LAMA3: variants seen among roughly 807,000 people sequenced by gnomAD.
LAMA3 encodes the protein laminin subunit alpha 3.
Under a neutral mutation model 402.0 loss-of-function variants are expected in LAMA3, and 281 were observed. The observed-to-expected ratio is 0.70, with a 90% CI of 0.63 to 0.77. The LOEUF (loss-of-function observed/expected upper bound fraction) is 0.77, where lower values mean the gene tolerates loss of function less well. Ranked by LOEUF, LAMA3 falls within the 30% of genes least tolerant of loss-of-function variation. The pLI is 0.00. For synonymous variants in LAMA3, 1,431 were observed against 1,558.4 expected (o/e 0.92, Z 1.93); for missense variants, 3,840 against 4,215.5 (o/e 0.91, Z 2.47).
At chr18:23,818,228 G>A (rs548608650) in intron 18 of LAMA3, among the ~76,000 whole-genome samples, 15 of 152,302 alleles carry the variant, frequency 9.8e-5, no homozygotes, top group African/African-American at 1.9e-4. Context: ...GAGCTTCTCC[G>A]CTACTTAACC....
At chr18:23,878,097 C>T (rs2064781274) in intron 39 of LAMA3, among the ~76,000 whole-genome samples, 10 of 152,178 alleles carry the variant, frequency 6.6e-5, no homozygotes. Flanking sequence ...CAGAGCAAGA[C>T]TCTGTCTAAA....
At chr18:23,809,957 A>C (rs2063035696) in intron 12 of LAMA3, among the ~76,000 whole-genome samples, 2 of 152,054 alleles carry the variant, frequency 1.3e-5, no homozygotes, top group African/African-American at 4.8e-5. Flanking sequence ...TGTTCCCTGC[A>C]TCCTCCTCCT....
chr18:23,884,808 T>G lies in LAMA3; in HGVS notation c.5258T>G (p.Val1753Gly), dbSNP rs779694003. The G allele has an allele frequency of 1.2e-6, 2 of 1,613,838 alleles. No homozygotes were observed. Among genetic ancestry groups the G allele is most frequent in the Non-Finnish European group, 8.5e-7 (1 of 1,179,922 alleles). ...GGCTGTGTGGTGAATGGGGGAGACG[T>G]GCGGTGCTCCTGCAAAGCTGGGTAC... ...ATGCVVNGGDVRCSCKAGYTG... is the reference protein window; with the variant it reads ...ATGCVVNGGDGRCSCKAGYTG... The change falls in exon 41 of 75, where the codon GTG (valine) becomes GGG (glycine). Residue 1753 changes from valine (V) to glycine (G), a missense_variant. Around this residue, in one of 3 missense-constraint regions of LAMA3, gnomAD observed 2,109 missense variants for 2,376.0 expected, o/e 0.89. Coordinates refer to ENST00000313654, the MANE Select transcript of LAMA3 (RefSeq NM_198129.4).
intron 1 of LAMA3, among the ~76,000 whole-genome samples, chr18:23,713,079 A>T (rs1357626993): frequency 6.6e-6 from 1 of 152,218 alleles, no homozygotes; most frequent in East Asian, 1.9e-4. Context: ...AGTAAGAAAG[A>T]GTAATTCAAT....
chr18:23,773,461 G>GA, intron 8 of LAMA3, 36 bp from the exon 9 acceptor site: 1 of 1,329,316 alleles, frequency 7.5e-7, no homozygotes, highest in Non-Finnish European at 1.1e-6. Flanking sequence ...GTCTTCCCCA[G>GA]AACCCTTCCT....
intron 12 of LAMA3, among the ~76,000 whole-genome samples, chr18:23,809,121 T>C (rs1263483307): frequency 6.6e-6 from 1 of 152,212 alleles, no homozygotes; most frequent in Admixed American, 6.5e-5. Context: ...TGTTAATAAG[T>C]GTGAACACTT....
intron 32 of LAMA3, among the ~76,000 whole-genome samples, chr18:23,848,267 C>T (rs531604933): frequency 1.3e-5 from 2 of 152,108 alleles, no homozygotes; most frequent in African/African-American, 4.8e-5. Context: ...CTCAGAGGAT[C>T]GCTGAGCAGT....
intron 12 of LAMA3, among the ~76,000 whole-genome samples, chr18:23,795,679 A>G (rs768916652): frequency 6.6e-6 from 1 of 152,024 alleles, no homozygotes; most frequent in Non-Finnish European, 1.5e-5. Context: ...AAGTCCGGGC[A>G]TATTTGGTTT....
intron 35 of LAMA3, among the ~76,000 whole-genome samples, chr18:23,862,985 G>C (rs1402415449): frequency 6.6e-6 from 1 of 151,964 alleles, no homozygotes; most frequent in Non-Finnish European, 1.5e-5. Flanking sequence ...CTTATGGGGG[G>C]TGGGTAACAG....
chr18:23,808,141 C>T (rs117605772), intron 12 of LAMA3, among the ~76,000 whole-genome samples: 3,269 of 152,184 alleles, frequency 0.021, 66 homozygotes, highest in Non-Finnish European at 0.031. Flanking sequence ...TCAGGGAATA[C>T]AGTCAACACC....
chr18:23,849,013 A>G (rs1568253298), intron 32 of LAMA3, among the ~76,000 whole-genome samples: 1 of 151,726 alleles, frequency 6.6e-6, no homozygotes, highest in African/African-American at 2.4e-5. Context: ...GTCTCTTCTC[A>G]TTTTCTTATA....
chr18:23,891,362 A>T (rs2080657248), intron 42 of LAMA3, among the ~76,000 whole-genome samples: 1 of 152,152 alleles, frequency 6.6e-6, no homozygotes, highest in South Asian at 2.1e-4. Flanking sequence ...ATTAATGAAA[A>T]CTCATGGAGG....
chr18:23,931,009 G>A (rs2082146174), intron 64 of LAMA3, 53 bp from the exon 65 acceptor site: 2 of 1,494,082 alleles, frequency 1.3e-6, no homozygotes, highest in East Asian at 2.3e-5. Flanking sequence ...AAAGATACAG[G>A]CATAATCCTT....
intron 32 of LAMA3, among the ~76,000 whole-genome samples, chr18:23,851,837 C>T (rs1243201706): frequency 6.6e-6 from 1 of 152,200 alleles, no homozygotes. Flanking sequence ...CTCCTGTCTC[C>T]TCACATGTAT....
intron 67 of LAMA3, among the ~76,000 whole-genome samples, chr18:23,935,785 A>G (rs919253727): frequency 5.3e-5 from 8 of 152,200 alleles, no homozygotes; most frequent in Non-Finnish European, 1.0e-4. Flanking sequence ...ATTACTATGC[A>G]TGCTAATGAA....
intron 58 of LAMA3, 141 bp downstream of exon 58, chr18:23,915,001 A>C: frequency 1.3e-6 from 1 of 774,084 alleles, no homozygotes; most frequent in Non-Finnish European, 2.2e-6. Context: ...GATACTAGCT[A>C]ACACTTATTG....
chr18:23,867,552 CAAA>C (rs60964764), intron 36 of LAMA3, among the ~76,000 whole-genome samples: 3 of 96,336 alleles, frequency 3.1e-5, no homozygotes, highest in African/African-American at 8.0e-5. Context: ...CCATCCCTGC[CAAA>C]AAAAAAAAAA....
intron 2 of LAMA3, among the ~76,000 whole-genome samples, chr18:23,747,321 G>A (rs2061669801): frequency 6.6e-6 from 1 of 152,244 alleles, no homozygotes; most frequent in East Asian, 1.9e-4. Flanking sequence ...AAGAAGGACC[G>A]AAGCCCCACT....
At chr18:23,949,994 A>G in intron 71 of LAMA3, 35 bp from the exon 72 acceptor site, 2 of 1,614,066 alleles carry the variant, frequency 1.2e-6, no homozygotes, top group Non-Finnish European at 1.7e-6. Context: ...TTTCATGGTG[A>G]TGCTTTAACT....
Sources: gnomAD v4.1 joint callset for allele counts (sites outside exome capture counted in the v4.1 genomes callset) on GRCh38, gnomAD v4.1.1 for gene constraint, gnomAD v4.1.1 regional missense constraint, MANE v1.5 for transcripts, NCBI Gene and HGNC (gene_info 2026-07-23, HGNC 2026-07-21) for gene names.